Variants in EIF2AK2 observed in about 807,000 individuals in gnomAD.
The protein encoded by EIF2AK2 is interferon-induced, double-stranded RNA-activated protein kinase.
A neutral mutation model predicts 70.5 loss-of-function variants in EIF2AK2; 40 were observed. The ratio of observed to expected loss-of-function variants is 0.57; its 90% CI spans 0.44 to 0.74. The LOEUF (loss-of-function observed/expected upper bound fraction) is 0.74. EIF2AK2 is among the 30% of genes least tolerant of loss of function. EIF2AK2 has a pLI of 0.00. For synonymous variants in EIF2AK2, 198 were observed against 220.9 expected, an observed-to-expected ratio of 0.90 and a Z score of 0.92; for missense variants, 555 against 644.3, an observed-to-expected ratio of 0.86 and a Z score of 1.50.
chr2:37,145,304 G>A (rs542922989), intron 4 of EIF2AK2, among the ~76,000 whole-genome samples: 2 of 151,804 alleles, frequency 1.3e-5, no homozygotes, highest in South Asian at 2.1e-4. Flanking sequence ...CACCATGCCC[G>A]GCTAATTTTT....
chr2:37,139,195 G>C (rs939555538), intron 6 of EIF2AK2, among the ~76,000 whole-genome samples: 1 of 151,532 alleles, frequency 6.6e-6, no homozygotes, highest in Non-Finnish European at 1.5e-5. Context: ...GGCGCTTGTA[G>C]TCCCAGCTAC....
Position 37,126,967 on chromosome 2 carries a change from G to GA in EIF2AK2, c.786-557dup, listed in dbSNP as rs57802509. 6.8e-3 allele frequency among the ~76,000 whole-genome samples: 355 copies of GA among 52,154 alleles called. 12 individuals carry two copies. Among genetic ancestry groups the GA allele is most frequent in the Middle Eastern group, 0.019 (1 of 52 alleles). 34.2% of individuals were successfully genotyped at this position (52,154 alleles called of 152,430 possible). A position where few individuals can be genotyped will look rare whatever the true frequency, so the allele number is the denominator to read the frequency against. On this transcript the variant is annotated intron_variant, in intron 10 of 16. Transcript: ENST00000233057. ...AATGAAACTCCATCTCAAAAAAACAGAAAAAAAAAAAAAAAAAAAAAAAAA... is the reference window on the plus strand; with the variant it reads ...AATGAAACTCCATCTCAAAAAAACAGAAAAAAAAAAAAAAAAAAAAAAAAAA...
chr2:37,122,885 T>C (rs1027107919), intron 11 of EIF2AK2, among the ~76,000 whole-genome samples: 1 of 152,034 alleles, frequency 6.6e-6, no homozygotes, highest in African/African-American at 2.4e-5. Flanking sequence ...TAAAAGGCAG[T>C]GGCCGGGCGC....
At position 37,114,860 on chromosome 2, in the gene EIF2AK2, C is replaced by T; in HGVS notation, c.1249-1G>A. 1 of 1,544,966 alleles carries T rather than the reference C, an allele frequency of 6.5e-7. No individual in the cohort carries two copies. Among genetic ancestry groups the T allele is most frequent in the Non-Finnish European group, 8.7e-7 (1 of 1,148,650 alleles). On this transcript the variant is annotated splice_acceptor_variant, in intron 13 of 16. Coordinates refer to ENST00000233057, the MANE Select transcript of EIF2AK2 (RefSeq NM_001135651.3). LOFTEE classifies it high-confidence loss of function. Reference sequence around the variant, plus strand: ...TATCTACTAAGAATATATTACTTGGCTATGAAAAAAAAAAATTTAACTTAC... The same window carrying T: ...TATCTACTAAGAATATATTACTTGGTTATGAAAAAAAAAAATTTAACTTAC...
At chr2:37,155,950 A>AAAAAAAAG (rs10638880) in intron 1 of EIF2AK2, among the ~76,000 whole-genome samples, 5 of 139,020 alleles carry the variant, frequency 3.6e-5, no homozygotes, top group Non-Finnish European at 7.6e-5. Context: ...AAAAAAAAAA[A>AAAAAAAAG]AAAAGAAAAG....
intron 11 of EIF2AK2, among the ~76,000 whole-genome samples, chr2:37,124,347 C>T (rs570371143): frequency 4.6e-5 from 7 of 152,126 alleles, no homozygotes; most frequent in Non-Finnish European, 7.4e-5. Context: ...CTGCAACCTC[C>T]GCCTCCTGGG....
chr2:37,106,587 T>A lies in EIF2AK2; in HGVS notation c.*686A>T, dbSNP rs1212139456. 6.6e-6 allele frequency: 1 copy of A among 151,122 alleles called. No homozygotes were observed. Among genetic ancestry groups the A allele is most frequent in the Non-Finnish European group, 1.5e-5 (1 of 67,826 alleles). The allele number at this position is 151,122 out of a possible 1,614,324, so 9.4% of individuals were successfully genotyped here. A position where few individuals can be genotyped will look rare whatever the true frequency, so the allele number is the denominator to read the frequency against. On this transcript the variant is annotated 3_prime_UTR_variant, in exon 17 of 17. Coordinates refer to ENST00000233057, the MANE Select transcript of EIF2AK2 (RefSeq NM_001135651.3). The stretch of plus-strand genomic sequence containing the variant: ...ACATCACTTTTTTTTTTTTTTTTAA[T>A]GAGTACCATATTTCTCCAGCTGGCT...
intron 13 of EIF2AK2, among the ~76,000 whole-genome samples, chr2:37,118,990 A>G (rs1009464688): frequency 2.6e-5 from 4 of 152,178 alleles, no homozygotes; most frequent in African/African-American, 9.7e-5. Flanking sequence ...AAGGAATTAC[A>G]ACCAAAGGGG....
rs565209650 is a variant in EIF2AK2 at position 37,139,889 on chromosome 2, T to G, written c.390-132A>C. 151 of 954,524 alleles carry G rather than the reference T, an allele frequency of 1.6e-4. No individual in the cohort carries two copies. The African/African-American group carries it at 2.3e-3, about 15-fold the overall frequency. The allele number at this position is 954,524 out of a possible 1,614,324, so 59.1% of individuals were successfully genotyped here. On this transcript the variant is annotated intron_variant, in intron 5 of 16. Coordinates refer to ENST00000233057, the MANE Select transcript of EIF2AK2 (RefSeq NM_001135651.3). ...ATTTATTAGATAGATTTATAGTTCA[T>G]ATCTTGCATAATTTAAACCCTCAGT... is the stretch of plus-strand genomic sequence containing the variant.
In EIF2AK2 at chr2:37,101,431, A is replaced by G. The variant is rs903095854; in HGVS notation, c.*5842T>C. 1 of 152,258 alleles carries G rather than the reference A, an allele frequency of 6.6e-6. No homozygotes were observed. The highest frequency in any genetic ancestry group is 2.4e-5 in the African/African-American group (1 of 41,472). The allele number at this position is 152,258 out of a possible 1,614,324, so 9.4% of individuals were successfully genotyped here. A position where few individuals can be genotyped will look rare whatever the true frequency, so the allele number is the denominator to read the frequency against. ...CAATAGCTGCTAAAACCATCAGGTG[A>G]AAGATTGATGAGAAACTTTGTAGTA... is the stretch of plus-strand genomic sequence containing the variant. On this transcript the variant is annotated 3_prime_UTR_variant, in exon 17 of 17. Transcript: ENST00000233057.
At chr2:37,145,395 G>A (rs77037834) in intron 4 of EIF2AK2, among the ~76,000 whole-genome samples, 6 of 152,106 alleles carry the variant, frequency 3.9e-5, no homozygotes, top group Non-Finnish European at 7.4e-5. Context: ...TGCCTGCCTT[G>A]GCCTCCCAAA....
intron 13 of EIF2AK2, among the ~76,000 whole-genome samples, chr2:37,116,994 G>T (rs889355040): frequency 1.3e-5 from 2 of 152,002 alleles, no homozygotes; most frequent in Non-Finnish European, 2.9e-5. Context: ...GGCAGACAGC[G>T]TGGGCCCATC....
At chr2:37,133,346 C>T (rs748681029) in intron 10 of EIF2AK2, among the ~76,000 whole-genome samples, 1 of 152,144 alleles carries the variant, frequency 6.6e-6, no homozygotes, top group Non-Finnish European at 1.5e-5. Flanking sequence ...CTAACAACCC[C>T]TCTCATTTCT....
In EIF2AK2 at chr2:37,109,408, T is replaced by C. The variant is rs957000055; in HGVS notation, c.1378-113A>G. 3.6e-6 allele frequency: 3 copies of C among 827,230 alleles called. No individual in the cohort carries two copies. The African/African-American group carries it at 5.2e-5, about 14-fold the overall frequency. 51.2% of individuals were successfully genotyped at this position (827,230 alleles called of 1,614,324 possible). A position where few individuals can be genotyped will look rare whatever the true frequency, so the allele number is the denominator to read the frequency against. ...ACATCTTACACCACAAAACAATGTC[T>C]ATTTATTAGCAAAATCTGTGGAGTC... On this transcript the variant is annotated intron_variant, in intron 14 of 16. Coordinates refer to ENST00000233057, the MANE Select transcript of EIF2AK2 (RefSeq NM_001135651.3).
Position 37,126,950 on chromosome 2 carries a change from TC to T in EIF2AK2, c.786-540del, listed in dbSNP as rs1383317214. On this transcript the variant is annotated intron_variant, in intron 10 of 16. Coordinates refer to ENST00000233057, the MANE Select transcript of EIF2AK2 (RefSeq NM_001135651.3). ...CCAGCCTGGGCGACAAGAATGAAAC[TC>T]CATCTCAAAAAAACAGAAAAAAAAA... is the stretch of plus-strand genomic sequence containing the variant. 7.3e-5 allele frequency among the ~76,000 whole-genome samples: 4 copies of T among 54,642 alleles called. No homozygotes were observed. The Admixed American group carries it at 1.2e-3, about 17-fold the overall frequency. The allele number at this position is 54,642 out of a possible 152,430, so 35.8% of individuals were successfully genotyped here.
At chr2:37,122,888 C>T (rs1396547322) in intron 11 of EIF2AK2, among the ~76,000 whole-genome samples, 2 of 152,136 alleles carry the variant, frequency 1.3e-5, no homozygotes, top group African/African-American at 2.4e-5. Flanking sequence ...AAGGCAGTGG[C>T]CGGGCGCGGT....
intron 10 of EIF2AK2, among the ~76,000 whole-genome samples, chr2:37,128,520 G>A (rs556978148): frequency 2.6e-4 from 40 of 152,238 alleles, no homozygotes; most frequent in South Asian, 1.9e-3. Context: ...ACTTCTCCAA[G>A]AGACATGATC....
chr2:37,123,531 G>C (rs866338228), intron 11 of EIF2AK2, among the ~76,000 whole-genome samples: 1 of 152,086 alleles, frequency 6.6e-6, no homozygotes, highest in Non-Finnish European at 1.5e-5. Flanking sequence ...GCCTCCCAAA[G>C]TGCTGGGATT....
At chr2:37,148,247 C>A (rs1202474023) in intron 2 of EIF2AK2, among the ~76,000 whole-genome samples, 1 of 152,154 alleles carries the variant, frequency 6.6e-6, no homozygotes, top group Non-Finnish European at 1.5e-5. Flanking sequence ...TGTGCTTCCA[C>A]TGAGTATCAA....
Sources: gnomAD v4.1 joint callset for allele counts (sites outside exome capture counted in the v4.1 genomes callset) on GRCh38, gnomAD v4.1.1 for gene constraint, MANE v1.5 for transcripts, NCBI Gene and HGNC (gene_info 2026-07-23, HGNC 2026-07-21) for gene names.